PTPRT: variants seen among roughly 807,000 people sequenced by gnomAD.
PTPRT encodes the protein receptor-type tyrosine-protein phosphatase T.
Under a neutral mutation model 176.8 loss-of-function variants are expected in PTPRT, and 56 were observed. The observed-to-expected ratio is 0.32, with a 90% CI of 0.26 to 0.40. The LOEUF (loss-of-function observed/expected upper bound fraction) is 0.40, where lower values mean the gene tolerates loss of function less well. Among genes scored for constraint, PTPRT ranks in the 10% least tolerant of loss-of-function variants. PTPRT has a pLI of 1.00. For synonymous variants in PTPRT, 783 were observed against 739.0 expected, an observed-to-expected ratio of 1.06 and a Z score of -0.96; for missense variants, 1,540 against 1,908.2, an observed-to-expected ratio of 0.81 and a Z score of 3.60.
At chr20:42,398,131 G>A (rs538235017) in intron 9 of PTPRT, among the ~76,000 whole-genome samples, 19 of 152,168 alleles carry the variant, frequency 1.2e-4, no homozygotes, top group African/African-American at 4.1e-4. Flanking sequence ...CTCAAGGTAT[G>A]TGTGTCTGTT....
chr20:42,220,958 G>A (rs1046523165), intron 15 of PTPRT, among the ~76,000 whole-genome samples: 2 of 152,112 alleles, frequency 1.3e-5, no homozygotes, highest in African/African-American at 4.8e-5. Context: ...GGGACAGTGA[G>A]TATATTTAAA....
chr20:42,941,013 C>T (rs1246073021), intron 1 of PTPRT, among the ~76,000 whole-genome samples: 6 of 151,480 alleles, frequency 4.0e-5, no homozygotes, highest in African/African-American at 1.2e-4. Context: ...ACCTGGGAGA[C>T]GGGGGTTGCA....
chr20:43,071,160 A>G (rs1600691618), intron 1 of PTPRT, among the ~76,000 whole-genome samples: 2 of 152,210 alleles, frequency 1.3e-5, no homozygotes, highest in Admixed American at 6.5e-5. Flanking sequence ...ACACCAGCCA[A>G]GGCCACATCC....
intron 1 of PTPRT, among the ~76,000 whole-genome samples, chr20:43,142,084 A>G (rs1050895903): frequency 6.6e-6 from 1 of 152,246 alleles, no homozygotes; most frequent in Non-Finnish European, 1.5e-5. Flanking sequence ...TGCCAGCAGG[A>G]ACAGCAGGAA....
intron 15 of PTPRT, among the ~76,000 whole-genome samples, chr20:42,229,916 T>C (rs537878834): frequency 8.5e-5 from 13 of 152,310 alleles, no homozygotes; most frequent in Admixed American, 7.2e-4. Flanking sequence ...TGTCCGTATG[T>C]CTTTTAAATT....
At chr20:42,626,675 C>T (rs548663481) in intron 7 of PTPRT, among the ~76,000 whole-genome samples, 1 of 152,300 alleles carries the variant, frequency 6.6e-6, no homozygotes, top group Non-Finnish European at 1.5e-5. Flanking sequence ...CCTGAGCCAG[C>T]TCGGAGAAAC....
chr20:42,050,178 G>T, the PTPRT span, among the ~76,000 whole-genome samples: 2 of 152,146 alleles, frequency 1.3e-5, no homozygotes, highest in Admixed American at 1.3e-4. Flanking sequence ...CTTGTGAGTG[G>T]GAGGGAAATC....
At chr20:43,158,260 G>A (rs749945107) in intron 1 of PTPRT, among the ~76,000 whole-genome samples, 13 of 152,196 alleles carry the variant, frequency 8.5e-5, no homozygotes, top group Non-Finnish European at 1.5e-4. Flanking sequence ...GCAAGTGGAC[G>A]TGTGCAGTTG....
At chr20:42,210,664 G>T (rs1318966755) in intron 15 of PTPRT, among the ~76,000 whole-genome samples, 1 of 150,104 alleles carries the variant, frequency 6.7e-6, no homozygotes, top group Non-Finnish European at 1.5e-5. Context: ...ACAAATGGAA[G>T]AACATTCCAT....
At chr20:43,005,239 G>GGCCCACGAAGTCCTGAGTGACAGTCACCA (rs2146138676) in intron 1 of PTPRT, among the ~76,000 whole-genome samples, 1 of 152,170 alleles carries the variant, frequency 6.6e-6, no homozygotes, top group South Asian at 2.1e-4. Flanking sequence ...CGATTCTAAT[G>GGCCCACGAAGTCCTGAGTGACAGTCACCA]GCCCACGAAG....
At chr20:42,231,306 G>T (rs978842170) in intron 15 of PTPRT, among the ~76,000 whole-genome samples, 1 of 152,232 alleles carries the variant, frequency 6.6e-6, no homozygotes, top group Admixed American at 6.5e-5. Flanking sequence ...TTAGTAAGAA[G>T]AATGGGTAGG....
chr20:43,153,891 G>A (rs569673517), intron 1 of PTPRT, among the ~76,000 whole-genome samples: 10 of 152,252 alleles, frequency 6.6e-5, no homozygotes, highest in East Asian at 5.8e-4. Context: ...AAAGAGGAGC[G>A]AATGAAGCCA....
rs374575567 is a variant in PTPRT, at chr20:42,178,160, A to T, written c.2492-16618T>A. ...ACTGTGTTGGCCAGGCTGTTCTCGAACTCCTGACCTTGTGATCCACCCACC... is the reference window on the plus strand; with the variant it reads ...ACTGTGTTGGCCAGGCTGTTCTCGATCTCCTGACCTTGTGATCCACCCACC... On this transcript the variant is annotated intron_variant, in intron 16 of 30. Coordinates refer to ENST00000373187, the MANE Select transcript of PTPRT (RefSeq NM_007050.6). Among the ~76,000 whole-genome samples, 24 of 151,926 alleles carry T rather than the reference A, an allele frequency of 1.6e-4. 1 individual carries two copies. Among genetic ancestry groups the T allele is most frequent in the African/African-American group, 5.8e-4 (24 of 41,332 alleles).
chr20:42,959,711 G>A (rs192959163), intron 1 of PTPRT, among the ~76,000 whole-genome samples: 6 of 152,184 alleles, frequency 3.9e-5, no homozygotes, highest in East Asian at 1.9e-4. Flanking sequence ...TTCCACTAGC[G>A]CCTACCCCAA....
intron 2 of PTPRT, among the ~76,000 whole-genome samples, chr20:42,854,167 T>A (rs184649957): frequency 6.6e-6 from 1 of 152,328 alleles, no homozygotes; most frequent in African/African-American, 2.4e-5. Flanking sequence ...ATGGTGACAT[T>A]CCATCTTCCT....
At chr20:42,219,316 G>A (rs2055833046) in intron 15 of PTPRT, among the ~76,000 whole-genome samples, 1 of 152,192 alleles carries the variant, frequency 6.6e-6, no homozygotes. Flanking sequence ...TGTGGGTCAA[G>A]TATCTGAGAG....
chr20:42,098,358 T>C (rs1985500074), intron 27 of PTPRT, 63 bp downstream of exon 27: 2 of 1,592,250 alleles, frequency 1.3e-6, no homozygotes, highest in East Asian at 4.5e-5. Flanking sequence ...TCAAGGGATC[T>C]CCCTCCAGGT....
chr20:42,751,225 G>A (rs530124794), intron 6 of PTPRT, among the ~76,000 whole-genome samples: 6 of 152,280 alleles, frequency 3.9e-5, no homozygotes, highest in African/African-American at 1.4e-4. Context: ...ACAGCTCCCA[G>A]AACCCTCGGG....
At chr20:43,072,857 T>A (rs1375092374) in intron 1 of PTPRT, among the ~76,000 whole-genome samples, 2 of 152,222 alleles carry the variant, frequency 1.3e-5, no homozygotes, top group Non-Finnish European at 2.9e-5. Context: ...GTCCAAGAAC[T>A]TAATTAGTAC....
Sources: allele counts gnomAD v4.1 joint callset (sites outside exome capture counted in the v4.1 genomes callset), GRCh38; gene constraint gnomAD v4.1.1; transcripts MANE v1.5; gene names NCBI Gene and HGNC (gene_info 2026-07-23, HGNC 2026-07-21).